Variants in MEIKIN observed in about 807,000 individuals in gnomAD.
MEIKIN encodes the protein meiotic kinetochore factor, also known as meiosis-specific kinetochore protein.
At chr5:131,912,263 A>G (rs1479720387) in intron 7 of MEIKIN, among the ~76,000 whole-genome samples, 1 of 151,728 alleles carries the variant, frequency 6.6e-6, no homozygotes, top group African/African-American at 2.4e-5. Flanking sequence ...ATTCTTGTGG[A>G]AAGAATTTTA....
intron 11 of MEIKIN, among the ~76,000 whole-genome samples, chr5:131,823,933 G>T (rs1400754550): frequency 6.6e-6 from 1 of 152,226 alleles, no homozygotes; most frequent in Non-Finnish European, 1.5e-5. Context: ...CACCTTGGTA[G>T]TGTTGGATAA....
intron 11 of MEIKIN, among the ~76,000 whole-genome samples, chr5:131,848,238 T>C (rs999729328): frequency 6.6e-6 from 1 of 151,856 alleles, no homozygotes; most frequent in Non-Finnish European, 1.5e-5. Context: ...CAAACCAAAA[T>C]TGGTTCTTTG....
chr5:131,879,899 ATTTAAAATTGCATAT>A (rs1750676968), intron 8 of MEIKIN, among the ~76,000 whole-genome samples: 1 of 152,114 alleles, frequency 6.6e-6, no homozygotes, highest in African/African-American at 2.4e-5. Context: ...TATCATATGC[ATTTAAAATTGCATAT>A]TCAGCTTTTC....
chr5:131,818,724 A>T lies in MEIKIN; in HGVS notation c.1099+16T>A. On this transcript the variant is annotated intron_variant, in intron 12 of 12. Transcript: ENST00000442687. ...ATATCATCCAAAAAGTATGCTCTGCATTCATACTACAGTACCTTGAGGGGT... is the reference window on the plus strand; with the variant it reads ...ATATCATCCAAAAAGTATGCTCTGCTTTCATACTACAGTACCTTGAGGGGT... The T allele has an allele frequency of 7.5e-6, 3 of 397,554 alleles. No homozygotes were observed. Among genetic ancestry groups the T allele is most frequent in the Non-Finnish European group, 1.3e-5 (3 of 225,364 alleles). The allele number at this position is 397,554 out of a possible 1,614,324, so 24.6% of individuals were successfully genotyped here. A position where few individuals can be genotyped will look rare whatever the true frequency, so the allele number is the denominator to read the frequency against.
intron 8 of MEIKIN, among the ~76,000 whole-genome samples, chr5:131,902,453 A>T (rs1369504658): frequency 1.3e-5 from 2 of 150,322 alleles, no homozygotes; most frequent in East Asian, 3.9e-4. Context: ...AAAAAGAAGA[A>T]GTTTCCTGTG....
intron 4 of MEIKIN, among the ~76,000 whole-genome samples, chr5:131,939,512 T>C (rs1751834899): frequency 6.6e-6 from 1 of 152,216 alleles, no homozygotes; most frequent in Admixed American, 6.5e-5. Context: ...TATGCCTTTA[T>C]TGATATTTTA....
At chr5:131,897,200 G>A (rs1561748733) in intron 8 of MEIKIN, among the ~76,000 whole-genome samples, 1 of 152,188 alleles carries the variant, frequency 6.6e-6, no homozygotes, top group East Asian at 1.9e-4. Flanking sequence ...TAAGAGTGCT[G>A]AATATTAGCC....
At chr5:131,908,802 G>C (rs1206417545) in intron 8 of MEIKIN, among the ~76,000 whole-genome samples, 4 of 152,020 alleles carry the variant, frequency 2.6e-5, no homozygotes. Flanking sequence ...ACCTGAAAAA[G>C]AAGTCAAGAA....
chr5:131,834,473 A>T (rs1229493278), intron 11 of MEIKIN, among the ~76,000 whole-genome samples: 1 of 152,124 alleles, frequency 6.6e-6, no homozygotes, highest in Admixed American at 6.5e-5. Flanking sequence ...GTACCCTTTG[A>T]CCAGCATCTC....
chr5:131,871,488 AAAGCGGCTGGG>A (rs1242469687), intron 9 of MEIKIN, among the ~76,000 whole-genome samples: 2 of 152,338 alleles, frequency 1.3e-5, no homozygotes, highest in East Asian at 3.9e-4. Context: ...TTAGGTAAAC[AAAGCGGCTGGG>A]AAGCTCGAAC....
intron 6 of MEIKIN, among the ~76,000 whole-genome samples, chr5:131,918,424 GT>G (rs1235010721): frequency 6.6e-6 from 1 of 152,152 alleles, no homozygotes; most frequent in African/African-American, 2.4e-5. Flanking sequence ...TTTTGTTTCA[GT>G]AAAGGAGTTG....
chr5:131,926,338 T>C (rs1751586877), intron 5 of MEIKIN, among the ~76,000 whole-genome samples: 1 of 152,216 alleles, frequency 6.6e-6, no homozygotes, highest in Admixed American at 6.5e-5. Flanking sequence ...TGTATCACTT[T>C]AGTTGATTTT....
At chr5:131,830,089 C>G (rs1561725033) in intron 11 of MEIKIN, among the ~76,000 whole-genome samples, 1 of 152,156 alleles carries the variant, frequency 6.6e-6, no homozygotes, top group Non-Finnish European at 1.5e-5. Flanking sequence ...AGAATCTCCA[C>G]TGATTTTAAG....
chr5:131,903,623 G>T (rs1476786202), intron 8 of MEIKIN, among the ~76,000 whole-genome samples: 2 of 152,206 alleles, frequency 1.3e-5, no homozygotes, highest in Middle Eastern at 3.4e-3. Flanking sequence ...CCTTACAACT[G>T]GTCCTAAAAG....
intron 8 of MEIKIN, among the ~76,000 whole-genome samples, chr5:131,890,315 G>C (rs973715757): frequency 6.6e-6 from 1 of 152,142 alleles, no homozygotes; most frequent in Non-Finnish European, 1.5e-5. Flanking sequence ...ATTCAGCTGT[G>C]AATCCATCTG....
At chr5:131,835,026 T>C (rs534368029) in intron 11 of MEIKIN, among the ~76,000 whole-genome samples, 1 of 152,236 alleles carries the variant, frequency 6.6e-6, no homozygotes, top group African/African-American at 2.4e-5. Flanking sequence ...GTAGTTTTGA[T>C]TTGAATTTCC....
intron 9 of MEIKIN, among the ~76,000 whole-genome samples, chr5:131,873,602 T>C (rs1750549592): frequency 6.6e-6 from 1 of 152,072 alleles, no homozygotes; most frequent in South Asian, 2.1e-4. Flanking sequence ...AGACAGAAAG[T>C]TAACAAGGAT....
chr5:131,890,414 C>T (rs961083265), intron 8 of MEIKIN, among the ~76,000 whole-genome samples: 2 of 152,128 alleles, frequency 1.3e-5, no homozygotes, highest in East Asian at 3.8e-4. Flanking sequence ...CAACTTCTTC[C>T]TGGTTTAGTC....
intron 6 of MEIKIN, among the ~76,000 whole-genome samples, chr5:131,921,543 G>A (rs1232384593): frequency 2.6e-5 from 4 of 152,042 alleles, no homozygotes; most frequent in Non-Finnish European, 1.5e-5. Context: ...TGTAACCCCA[G>A]CTACTAGGGA....
Sources: gnomAD v4.1 joint callset for allele counts (sites outside exome capture counted in the v4.1 genomes callset) on GRCh38, gnomAD v4.1.1 for gene constraint, MANE v1.5 for transcripts, NCBI Gene and HGNC (gene_info 2026-07-23, HGNC 2026-07-21) for gene names.